Variants in TMEM266 observed in about 807,000 individuals in gnomAD.
TMEM266 encodes the protein transmembrane protein 266, also known as Hv1 related protein 1.
Under a neutral mutation model 50.5 loss-of-function variants are expected in TMEM266, and 33 were observed. That is an observed-to-expected ratio of 0.65 (90% CI 0.50 to 0.87). The LOEUF is 0.87. TMEM266 is among the 40% of genes least tolerant of loss of function. TMEM266 has a pLI of 0.00. For synonymous variants in TMEM266, 310 were observed against 292.3 expected, an observed-to-expected ratio of 1.06 and a Z score of -0.62; for missense variants, 655 against 695.1, an observed-to-expected ratio of 0.94 and a Z score of 0.65.
At chr15:76,149,757 C>T (rs1400100359) in intron 3 of TMEM266, among the ~76,000 whole-genome samples, 1 of 152,172 alleles carries the variant, frequency 6.6e-6, no homozygotes, top group African/African-American at 2.4e-5. Flanking sequence ...GAAAAAAGGA[C>T]TTGCCTTTTA....
intron 3 of TMEM266, 24 bp downstream of exon 3, chr15:76,137,919 A>T: frequency 6.5e-7 from 1 of 1,532,226 alleles, no homozygotes; most frequent in Non-Finnish European, 8.8e-7. Context: ...CCATTGAGCT[A>T]GCTAAGAAGT....
At chr15:76,171,854 C>A (rs970219324) in intron 7 of TMEM266, among the ~76,000 whole-genome samples, 1 of 152,120 alleles carries the variant, frequency 6.6e-6, no homozygotes, top group Non-Finnish European at 1.5e-5. Context: ...GGTGACAGAC[C>A]AGAGTGAGTG....
intron 1 of TMEM266, among the ~76,000 whole-genome samples, chr15:76,117,013 C>G (rs2037261165): frequency 6.6e-6 from 1 of 151,690 alleles, no homozygotes; most frequent in African/African-American, 2.4e-5. Flanking sequence ...GATTCTCCTG[C>G]CTCAGCCTCC....
At chr15:76,199,277 C>T (rs982218298) in intron 9 of TMEM266, among the ~76,000 whole-genome samples, 3 of 152,184 alleles carry the variant, frequency 2.0e-5, no homozygotes, top group Non-Finnish European at 2.9e-5. Context: ...AGGAGTTGTC[C>T]GGGGACGGTC....
At chr15:76,126,219 T>A (rs2037420607) in intron 1 of TMEM266, among the ~76,000 whole-genome samples, 1 of 151,656 alleles carries the variant, frequency 6.6e-6, no homozygotes, top group African/African-American at 2.4e-5. Context: ...TGGGATTTCC[T>A]TTCCTTTCAA....
Position 76,106,979 on chromosome 15 carries a change from G to A in TMEM266, c.-96-27189G>A, listed in dbSNP as rs62029860. Among the ~76,000 whole-genome samples the A allele has an allele frequency of 7.2e-5, 11 of 152,246 alleles. No individual in the cohort carries two copies. The East Asian group carries it at 2.1e-3, about 29-fold the overall frequency. On this transcript the variant is annotated intron_variant, in intron 1 of 10. Transcript: ENST00000388942. ...CTCTCTTGGGTATGAGTTGATGGTG[G>A]ATGTTATCTTCCCAACCACACGTAA...
rs1319411054 is a variant in TMEM266 at position 76,160,342 on chromosome 15, G to A, written c.456+174G>A. 6.6e-6 allele frequency among the ~76,000 whole-genome samples: 1 copy of A among 152,216 alleles called. No individual in the cohort carries two copies. The highest frequency in any genetic ancestry group is 2.4e-5 in the African/African-American group (1 of 41,452). ...ATCTCTGCGGGGGGAAGTGGTACAG[G>A]GAGCCCAACCCAGCCAGGGGGGTTT... On this transcript the variant is annotated intron_variant, in intron 5 of 10. Coordinates refer to ENST00000388942, the MANE Select transcript of TMEM266 (RefSeq NM_152335.3). This position sits in a 1 kb window ranked among gnomAD's most constrained non-coding sequence, Gnocchi z 5.7.
intron 3 of TMEM266, 118 bp from the exon 4 acceptor site, chr15:76,156,486 A>G: frequency 9.4e-7 from 1 of 1,061,628 alleles, no homozygotes; most frequent in Non-Finnish European, 1.4e-6. Context: ...GCCTAGAGCC[A>G]GGGAGAGAGC....
intron 1 of TMEM266, among the ~76,000 whole-genome samples, chr15:76,082,972 A>G (rs2036717877): frequency 6.6e-6 from 1 of 150,980 alleles, no homozygotes; most frequent in Non-Finnish European, 1.5e-5. Context: ...CTGTCTAAAA[A>G]CAACAACAAC....
chr15:76,179,695 G>A (rs1473779808), intron 8 of TMEM266, among the ~76,000 whole-genome samples: 1 of 152,182 alleles, frequency 6.6e-6, no homozygotes, highest in Admixed American at 6.5e-5. Context: ...TCTCCTTGCT[G>A]GAATTCTCAG....
intron 1 of TMEM266, among the ~76,000 whole-genome samples, chr15:76,088,332 C>T (rs928889057): frequency 1.3e-5 from 2 of 152,082 alleles, no homozygotes; most frequent in Admixed American, 6.6e-5. Flanking sequence ...GCAACTGGGC[C>T]TGAAGAAGTT....
Position 76,171,074 on chromosome 15 carries a change from G to C in TMEM266, c.595G>C (p.Asp199His). ...GGCCAATGGACCCAGGAGCCCCTGG[G>C]ACGCCATCAGCCTCATCATCATGCT... Residue 199 changes from aspartate (D) to histidine (H), a missense_variant, in exon 7 of 11, where the codon GAC (aspartate) becomes CAC (histidine). Asp to His is a moderately conservative substitution (Grantham distance 81). Around this residue, in one of 3 missense-constraint regions of TMEM266, gnomAD observed 101 missense variants for 182.6 expected, o/e 0.55. Coordinates refer to ENST00000388942, the MANE Select transcript of TMEM266 (RefSeq NM_152335.3). 1 of 1,613,456 alleles carries C rather than the reference G, an allele frequency of 6.2e-7. No individual in the cohort carries two copies. The highest frequency in any genetic ancestry group is 8.5e-7 in the Non-Finnish European group (1 of 1,179,748).
At chr15:76,191,150 G>T (rs1229916559) in intron 8 of TMEM266, among the ~76,000 whole-genome samples, 3 of 152,224 alleles carry the variant, frequency 2.0e-5, no homozygotes, top group South Asian at 2.1e-4. Context: ...ACAAGGCCAG[G>T]TTGCTGCCTG....
intron 1 of TMEM266, among the ~76,000 whole-genome samples, chr15:76,124,634 TA>T (rs1440501858): frequency 1.3e-5 from 2 of 151,672 alleles, no homozygotes; most frequent in African/African-American, 2.4e-5. Context: ...CCCCCAACTC[TA>T]AAAAAAATTC....
chr15:76,104,097 C>T (rs1382173514), intron 1 of TMEM266, among the ~76,000 whole-genome samples: 1 of 151,780 alleles, frequency 6.6e-6, no homozygotes, highest in Admixed American at 6.6e-5. Flanking sequence ...GTCCCAGCTA[C>T]TTGGGAGACT....
At chr15:76,179,982 C>T (rs971233273) in intron 8 of TMEM266, among the ~76,000 whole-genome samples, 19 of 152,218 alleles carry the variant, frequency 1.2e-4, no homozygotes, top group East Asian at 1.2e-3. Flanking sequence ...CAAAACAAAA[C>T]GCTTTTCACT....
chr15:76,153,866 C>A lies in TMEM266; in HGVS notation c.228-2738C>A, dbSNP rs74556935. The stretch of plus-strand genomic sequence containing the variant: ...AAAGGCTCGTTAATGGATGGAAGCG[C>A]TGTGCCGCTGGCACTGCTGCGGGCA... On this transcript the variant is annotated intron_variant, in intron 3 of 10. Coordinates refer to ENST00000388942, the MANE Select transcript of TMEM266 (RefSeq NM_152335.3). This position sits in a 1 kb window ranked among gnomAD's most constrained non-coding sequence, Gnocchi z 4.2. Among the ~76,000 whole-genome samples, 25,052 of 152,112 alleles carry A rather than the reference C, an allele frequency of 0.16. 2,786 individuals are homozygous for A. Among genetic ancestry groups the A allele is most frequent in the East Asian group, 0.42 (2,174 of 5,138 alleles).
intron 1 of TMEM266, among the ~76,000 whole-genome samples, chr15:76,061,811 C>T (rs2036308409): frequency 6.6e-6 from 1 of 152,168 alleles, no homozygotes. Flanking sequence ...TATCGCATCC[C>T]ACCCTACCCT....
rs1349161977 is a variant in TMEM266, at chr15:76,130,245, AAAAAAAAAAC to A, written c.-96-3922_-96-3913del. On this transcript the variant is annotated intron_variant, in intron 1 of 10. Transcript: ENST00000388942. ...AAAAAAAAAAAAAAAAAAAAAAAAA[AAAAAAAAAAC>A]CGCCGGGTGCAGTGTCTCATGCCTG... is the stretch of plus-strand genomic sequence containing the variant. Among the ~76,000 whole-genome samples the A allele has an allele frequency of 3.1e-3, 302 of 96,874 alleles. 48 individuals are homozygous for A. Among genetic ancestry groups the A allele is most frequent in the African/African-American group, 0.012 (207 of 16,970 alleles). 63.6% of individuals were successfully genotyped at this position (96,874 alleles called of 152,430 possible).
Sources: gnomAD v4.1 joint callset for allele counts (sites outside exome capture counted in the v4.1 genomes callset) on GRCh38, gnomAD v4.1.1 for gene constraint, gnomAD v4.1.1 regional missense constraint, Gnocchi (gnomAD v3.1) non-coding constraint, MANE v1.5 for transcripts, NCBI Gene and HGNC (gene_info 2026-07-23, HGNC 2026-07-21) for gene names.